Variants in SMAD2 observed in about 807,000 individuals in gnomAD.
SMAD2 encodes MAD homolog 2.
Under a neutral mutation model 64.4 loss-of-function variants are expected in SMAD2, and 8 were observed. The ratio of observed to expected loss-of-function variants is 0.12; its 90% CI spans 0.07 to 0.22. The LOEUF (loss-of-function observed/expected upper bound fraction) is 0.22, where lower values mean the gene tolerates loss of function less well. Ranked by LOEUF, SMAD2 falls within the 10% of genes least tolerant of loss-of-function variation. The pLI, the probability that SMAD2 is intolerant of heterozygous loss-of-function variation, is 1.00. For synonymous variants in SMAD2, 203 were observed against 195.8 expected (o/e 1.04, Z -0.31); for missense variants, 289 against 561.2 (o/e 0.51, Z 4.90).
At chr18:47,856,406 T>C (rs1386057481) in intron 6 of SMAD2, among the ~76,000 whole-genome samples, 1 of 152,196 alleles carries the variant, frequency 6.6e-6, no homozygotes, top group East Asian at 1.9e-4. Flanking sequence ...AGCAACCATT[T>C]CACTACATAC....
In SMAD2 at chr18:47,835,087, C is replaced by T; in HGVS notation, c.*6740G>A. On this transcript the variant is annotated 3_prime_UTR_variant, in exon 11 of 11. Coordinates refer to ENST00000262160, the MANE Select transcript of SMAD2 (RefSeq NM_005901.6). The stretch of plus-strand genomic sequence containing the variant: ...TGCAGAACTGTTCTCATCTTAATCG[C>T]TGTAGTTTTTCTTTCTTTACTCTTT... 1 of 219,122 alleles carries T rather than the reference C, an allele frequency of 4.6e-6. No individual in the cohort carries two copies. Among genetic ancestry groups the T allele is most frequent in the Non-Finnish European group, 9.2e-6 (1 of 109,248 alleles). 13.6% of individuals were successfully genotyped at this position (219,122 alleles called of 1,614,324 possible). A position where few individuals can be genotyped will look rare whatever the true frequency, so the allele number is the denominator to read the frequency against.
intron 1 of SMAD2, among the ~76,000 whole-genome samples, chr18:47,922,135 T>C (rs185586371): frequency 7.9e-5 from 12 of 152,316 alleles, no homozygotes; most frequent in Admixed American, 7.2e-4. Flanking sequence ...TTAAAAGGTA[T>C]GGAGGGAAGA....
rs532202509 is a variant in SMAD2, at chr18:47,829,904, A to T, written c.*11923T>A. On this transcript the variant is annotated 3_prime_UTR_variant, in exon 11 of 11. Transcript: ENST00000262160. The stretch of plus-strand genomic sequence containing the variant: ...AACTTTCAGAGTATAAAATTTTGTC[A>T]GTGGTTTTCATTTTAGAATTAAAAA... 8 of 152,370 alleles carry T rather than the reference A, an allele frequency of 5.3e-5. No individual in the cohort carries two copies. In the East Asian group the frequency reaches 1.5e-3, roughly 29 times the overall value. The allele number at this position is 152,370 out of a possible 1,614,324, so 9.4% of individuals were successfully genotyped here.
intron 6 of SMAD2, among the ~76,000 whole-genome samples, chr18:47,852,749 T>C (rs956190898): frequency 6.6e-6 from 1 of 152,094 alleles, no homozygotes; most frequent in African/African-American, 2.4e-5. Context: ...AATGATCTGT[T>C]TCTTCTTTTG....
At chr18:47,847,900 A>G (rs565079003) in intron 8 of SMAD2, among the ~76,000 whole-genome samples, 1 of 152,274 alleles carries the variant, frequency 6.6e-6, no homozygotes, top group African/African-American at 2.4e-5. Context: ...CTATGAAAAT[A>G]GCTTTGACCT....
At chr18:47,905,515 C>T (rs2033868058) in intron 1 of SMAD2, among the ~76,000 whole-genome samples, 1 of 150,326 alleles carries the variant, frequency 6.7e-6, no homozygotes, top group Non-Finnish European at 1.5e-5. Context: ...GGAGGCCTTA[C>T]ACCACCTTAT....
chr18:47,891,219 C>A (rs1291206626), intron 2 of SMAD2, among the ~76,000 whole-genome samples: 1 of 152,182 alleles, frequency 6.6e-6, no homozygotes, highest in South Asian at 2.1e-4. Context: ...GCAGGTGAAT[C>A]GCTTGAACCT....
intron 5 of SMAD2, 134 bp from the exon 6 acceptor site, chr18:47,865,267 T>C (rs946070559): frequency 3.3e-5 from 20 of 609,690 alleles, no homozygotes; most frequent in South Asian, 8.1e-5. Context: ...AAAAGTAATA[T>C]TGCATACTGA....
chr18:47,869,181 T>C (rs774811063), intron 4 of SMAD2, 62 bp downstream of exon 4: 46 of 1,240,270 alleles, frequency 3.7e-5, no homozygotes, highest in Non-Finnish European at 5.0e-5. Flanking sequence ...CAAGAGTACT[T>C]AAATATACTG....
In SMAD2 at chr18:47,837,332, G is replaced by A. The variant is rs893506419; in HGVS notation, c.*4495C>T. 3.1e-5 allele frequency: 6 copies of A among 190,630 alleles called. No homozygotes were observed. The highest frequency in any genetic ancestry group is 3.7e-3 in the Middle Eastern group (2 of 544). 11.8% of individuals were successfully genotyped at this position (190,630 alleles called of 1,614,324 possible). On this transcript the variant is annotated 3_prime_UTR_variant, in exon 11 of 11. Coordinates refer to ENST00000262160, the MANE Select transcript of SMAD2 (RefSeq NM_005901.6). Reference sequence around the variant, plus strand: ...AATCCCAGCACTTTGGGAAGCCGAGGTGGACAGATCACGAGGTCAGGAGAT... The same window carrying A: ...AATCCCAGCACTTTGGGAAGCCGAGATGGACAGATCACGAGGTCAGGAGAT...
At chr18:47,845,241 C>G (rs752700081) in intron 10 of SMAD2, 99 bp downstream of exon 10, 2 of 1,224,246 alleles carry the variant, frequency 1.6e-6, no homozygotes, top group African/African-American at 3.0e-5. Context: ...ACTCTATAAC[C>G]TCATTGAAAA....
intron 8 of SMAD2, among the ~76,000 whole-genome samples, chr18:47,846,956 T>C (rs1914553470): frequency 6.6e-6 from 1 of 152,166 alleles, no homozygotes; most frequent in Non-Finnish European, 1.5e-5. Flanking sequence ...CTATGGAATA[T>C]CTGTAAAACA....
At chr18:47,919,203 C>T (rs760240285) in intron 1 of SMAD2, among the ~76,000 whole-genome samples, 35 of 150,906 alleles carry the variant, frequency 2.3e-4, no homozygotes, top group Admixed American at 1.1e-3. Flanking sequence ...CATAATTTTT[C>T]AAAAAAAAAT....
At chr18:47,880,344 C>A (rs561170829) in intron 2 of SMAD2, among the ~76,000 whole-genome samples, 2 of 152,336 alleles carry the variant, frequency 1.3e-5, no homozygotes, top group South Asian at 2.1e-4. Flanking sequence ...CATGTTCATT[C>A]TTCCACATGG....
chr18:47,817,506 G>C lies in SMAD2; in HGVS notation c.*24321C>G, dbSNP rs1912411856. On this transcript the variant is annotated 3_prime_UTR_variant, in exon 11 of 11. Coordinates refer to ENST00000262160, the MANE Select transcript of SMAD2 (RefSeq NM_005901.6). ...TTTAGAGACAGTGTCTCACTATACT[G>C]CTGAGGCTGGTCTTGAACTCATGGG... 1 of 152,026 alleles carries C rather than the reference G, an allele frequency of 6.6e-6. No individual in the cohort carries two copies. The highest frequency in any genetic ancestry group is 2.4e-5 in the African/African-American group (1 of 41,360). The allele number at this position is 152,026 out of a possible 1,614,324, so 9.4% of individuals were successfully genotyped here.
At chr18:47,885,883 G>A (rs1255539304) in intron 2 of SMAD2, among the ~76,000 whole-genome samples, 3 of 152,168 alleles carry the variant, frequency 2.0e-5, no homozygotes, top group African/African-American at 7.2e-5. Flanking sequence ...GATCACCGGA[G>A]CCCAGGAAGC....
chr18:47,826,076 T>C lies in SMAD2; in HGVS notation c.*15751A>G, dbSNP rs1285171662. On this transcript the variant is annotated 3_prime_UTR_variant, in exon 11 of 11. Coordinates refer to ENST00000262160, the MANE Select transcript of SMAD2 (RefSeq NM_005901.6). The stretch of plus-strand genomic sequence containing the variant: ...GTGTTAACTTCCAGTCATGTGATAA[T>C]GGCCAGGAGCAACCACAATGATTAA... 6.6e-6 allele frequency: 1 copy of C among 152,224 alleles called. No individual in the cohort carries two copies. Among genetic ancestry groups the C allele is most frequent in the Non-Finnish European group, 1.5e-5 (1 of 68,038 alleles). The allele number at this position is 152,224 out of a possible 1,614,324, so 9.4% of individuals were successfully genotyped here.
intron 2 of SMAD2, among the ~76,000 whole-genome samples, chr18:47,893,759 A>G (rs1166291763): frequency 6.6e-6 from 1 of 152,218 alleles, no homozygotes; most frequent in Non-Finnish European, 1.5e-5. Flanking sequence ...AACAAGCTTT[A>G]TAAAATATAT....
chr18:47,856,766 TA>T (rs1427635347), intron 6 of SMAD2, among the ~76,000 whole-genome samples: 2 of 152,170 alleles, frequency 1.3e-5, no homozygotes, highest in Non-Finnish European at 2.9e-5. Context: ...TAATTTCTGG[TA>T]AAAGTTGAAC....
Sources: gnomAD v4.1 joint callset for allele counts (sites outside exome capture counted in the v4.1 genomes callset) on GRCh38, gnomAD v4.1.1 for gene constraint, MANE v1.5 for transcripts, NCBI Gene and HGNC (gene_info 2026-07-23, HGNC 2026-07-21) for gene names.